NAV3: variants seen among roughly 807,000 people sequenced by gnomAD.
NAV3 encodes neuron navigator 3, also known as pore membrane and/or filament interacting like protein 1.
Under a neutral mutation model 244.7 loss-of-function variants are expected in NAV3, and 87 were observed. That is an observed-to-expected ratio of 0.36 (90% confidence interval 0.30 to 0.42). NAV3 has a LOEUF of 0.42. Ranked by LOEUF, NAV3 falls within the 20% of genes least tolerant of loss-of-function variation. The probability of loss-of-function intolerance (pLI) is 1.00; values close to 1 mark genes in which losing one functional copy is unlikely to be tolerated. For missense variants in NAV3, 2,663 were observed against 2,893.3 expected (o/e 0.92, Z 1.83); for synonymous variants, 1,126 against 1,042.2 (o/e 1.08, Z -1.55).
At chr12:77,700,347 G>T (rs1456079174) in intron 2 of NAV3, among the ~76,000 whole-genome samples, 1 of 152,110 alleles carries the variant, frequency 6.6e-6, no homozygotes, top group East Asian at 1.9e-4. Flanking sequence ...ATGAAGGAGA[G>T]TTTGTGAGCA....
chr12:78,205,451 C>T (rs1181575912), intron 39 of NAV3, among the ~76,000 whole-genome samples: 5 of 151,780 alleles, frequency 3.3e-5, no homozygotes, highest in South Asian at 2.1e-4. Flanking sequence ...ATTCAATAGG[C>T]ATTTAAGAGA....
chr12:77,682,213 C>A (rs1286833893), intron 2 of NAV3, among the ~76,000 whole-genome samples: 1 of 152,078 alleles, frequency 6.6e-6, no homozygotes, highest in East Asian at 1.9e-4. Flanking sequence ...TCTATAAGCT[C>A]AACTCTTTTA....
chr12:77,877,876 G>A (rs1241522916), intron 1 of NAV3, among the ~76,000 whole-genome samples: 3 of 152,100 alleles, frequency 2.0e-5, no homozygotes, highest in Non-Finnish European at 4.4e-5. Flanking sequence ...AGGTAAACAA[G>A]ATCAATATCA....
rs1382638 is a variant in NAV3 at position 77,943,395 on chromosome 12, G to T, written c.414+2262G>T. Among the ~76,000 whole-genome samples the T allele has an allele frequency of 2.0e-5, 3 of 151,860 alleles. No homozygotes were observed. The South Asian group carries it at 6.3e-4, about 32-fold the overall frequency. ...ATCATATCGAATATTGACTAAGAAT[G>T]ACTTAGATCCTCATTTCTTTAAGAT... On this transcript the variant is annotated intron_variant, in intron 3 of 39. Coordinates refer to ENST00000397909, the MANE Select transcript of NAV3 (RefSeq NM_001024383.2).
chr12:78,158,560 A>T (rs410949), intron 22 of NAV3, among the ~76,000 whole-genome samples: 2 of 152,008 alleles, frequency 1.3e-5, no homozygotes, highest in Non-Finnish European at 2.9e-5. Flanking sequence ...ATGTGATGGA[A>T]TATTATTTCT....
rs753363502 is a variant in NAV3, at chr12:77,664,561, T to C, written c.72+92295T>C. 8.4e-4 allele frequency among the ~76,000 whole-genome samples: 128 copies of C among 152,320 alleles called. 1 individual carries two copies. The highest frequency in any genetic ancestry group is 2.8e-4 in the Non-Finnish European group (19 of 68,030). The stretch of plus-strand genomic sequence containing the variant: ...TAGGGAAAATATATTATTTTAATAG[T>C]ACTCTGCTAAAGTCACAGATGATAA... On this transcript the variant is annotated intron_variant, in intron 2 of 8. Coordinates refer to the NAV3 transcript ENST00000550042.
intron 22 of NAV3, among the ~76,000 whole-genome samples, chr12:78,149,294 C>A (rs1397273895): frequency 6.6e-6 from 1 of 152,124 alleles, no homozygotes; most frequent in Admixed American, 6.6e-5. Context: ...CAGCCTCCTT[C>A]ATCTCAATGT....
At chr12:77,917,618 G>A (rs1280723017) in intron 1 of NAV3, among the ~76,000 whole-genome samples, 5 of 151,874 alleles carry the variant, frequency 3.3e-5, no homozygotes, top group East Asian at 3.9e-4. Flanking sequence ...TGCATTCACC[G>A]ACCTTCTCTT....
intron 2 of NAV3, among the ~76,000 whole-genome samples, chr12:77,684,579 C>A (rs1328582168): frequency 6.6e-6 from 1 of 151,896 alleles, no homozygotes; most frequent in Non-Finnish European, 1.5e-5. Flanking sequence ...TGCCTCAGCC[C>A]CTCAAATTGC....
intron 28 of NAV3, among the ~76,000 whole-genome samples, chr12:78,178,004 TTA>T (rs1958319654): frequency 9.8e-6 from 1 of 102,318 alleles, no homozygotes; most frequent in Non-Finnish European, 2.5e-5. Flanking sequence ...CCTATGTATA[TTA>T]TGTTTTTTTT....
intron 2 of NAV3, among the ~76,000 whole-genome samples, chr12:77,693,097 G>A (rs1351887303): frequency 6.6e-6 from 1 of 152,104 alleles, no homozygotes; most frequent in Non-Finnish European, 1.5e-5. Context: ...ACAGAGAAAC[G>A]AGAGAAAAGG....
At chr12:78,091,872 T>TA (rs1239234275) in intron 12 of NAV3, 1 of 152,056 alleles carries the variant, frequency 6.6e-6, no homozygotes, top group Non-Finnish European at 1.5e-5. Flanking sequence ...TTTTCATTTT[T>TA]AAACAAAGAC....
chr12:78,150,548 T>C (rs1182337917), intron 22 of NAV3, among the ~76,000 whole-genome samples: 1 of 151,666 alleles, frequency 6.6e-6, no homozygotes, highest in Non-Finnish European at 1.5e-5. Flanking sequence ...CTCATGATTA[T>C]TGGTTTCTTG....
chr12:77,897,705 T>C (rs1884788977), intron 1 of NAV3, among the ~76,000 whole-genome samples: 1 of 152,022 alleles, frequency 6.6e-6, no homozygotes, highest in Non-Finnish European at 1.5e-5. Flanking sequence ...TTTTTTTTCT[T>C]TTTCTTTTAG....
At position 78,143,277 on chromosome 12, in the gene NAV3, C is replaced by A. The variant is rs537875197; in HGVS notation, c.4683+2943C>A. 182 of 415,436 alleles carry A rather than the reference C, an allele frequency of 4.4e-4. 1 individual carries two copies. Among genetic ancestry groups the A allele is most frequent in the South Asian group, 1.7e-3 (102 of 60,150 alleles). 25.7% of individuals were successfully genotyped at this position (415,436 alleles called of 1,614,324 possible). ...ATGTCTGCAAAGTGGTTGGAAATCA[C>A]AAGCCTAACCTGATCTGCAGAGGTG... On this transcript the variant is annotated intron_variant, in intron 20 of 39. Coordinates refer to ENST00000397909, the MANE Select transcript of NAV3 (RefSeq NM_001024383.2).
intron 18 of NAV3, among the ~76,000 whole-genome samples, chr12:78,134,561 T>G (rs1233899772): frequency 1.3e-5 from 2 of 152,208 alleles, no homozygotes; most frequent in East Asian, 3.8e-4. Flanking sequence ...TAGCTGTAGA[T>G]GCAAAAGTAG....
chr12:77,693,647 C>A (rs1215929085), intron 2 of NAV3, among the ~76,000 whole-genome samples: 1 of 152,006 alleles, frequency 6.6e-6, no homozygotes, highest in Non-Finnish European at 1.5e-5. Flanking sequence ...TCCACCAGTT[C>A]TTCTGACATG....
At chr12:77,970,183 A>T (rs555240510) in intron 5 of NAV3, among the ~76,000 whole-genome samples, 2 of 152,138 alleles carry the variant, frequency 1.3e-5, no homozygotes, top group African/African-American at 4.8e-5. Flanking sequence ...AATCCCTTTC[A>T]TCGTCTTTGA....
intron 2 of NAV3, among the ~76,000 whole-genome samples, chr12:77,695,280 G>A (rs1490711324): frequency 6.6e-6 from 1 of 152,124 alleles, no homozygotes; most frequent in Non-Finnish European, 1.5e-5. Context: ...TTCATGGTTA[G>A]AGGTCTTAGA....
Sources: allele counts gnomAD v4.1 joint callset (sites outside exome capture counted in the v4.1 genomes callset), GRCh38; gene constraint gnomAD v4.1.1; transcripts MANE v1.5; gene names NCBI Gene and HGNC (gene_info 2026-07-23, HGNC 2026-07-21).